The following DNAH17 variants were observed in gnomAD, a reference collection of about 807,000 sequenced individuals.
The protein encoded by DNAH17 is dynein axonemal heavy chain 17.
DNAH17 carries 376 observed loss-of-function variants against 485.6 expected under a neutral mutation model. The ratio of observed to expected loss-of-function variants is 0.77; its 90% CI spans 0.71 to 0.84. DNAH17 has a LOEUF of 0.84. Ranked by LOEUF, DNAH17 falls within the 40% of genes least tolerant of loss-of-function variation. The pLI is 0.00. For missense variants in DNAH17, 6,370 were observed against 5,839.3 expected (o/e 1.09, Z -2.96); for synonymous variants, 3,031 against 2,405.9 (o/e 1.26, Z -7.60).
intron 25 of DNAH17, among the ~76,000 whole-genome samples, chr17:78,524,093 G>A (rs969173633): frequency 2.6e-5 from 4 of 152,296 alleles, no homozygotes; most frequent in Non-Finnish European, 4.4e-5. Flanking sequence ...GGGAGGTGAT[G>A]AGGTCATCGG....
At chr17:78,446,173 C>CAAAAAAAAAAA (rs1157464118) in intron 69 of DNAH17, among the ~76,000 whole-genome samples, 2 of 57,396 alleles carry the variant, frequency 3.5e-5, no homozygotes, top group African/African-American at 7.7e-5. Flanking sequence ...GACTCTGTCT[C>CAAAAAAAAAAA]AAAAAAAAAA....
At chr17:78,538,657 T>C (rs2091442045) in intron 18 of DNAH17, among the ~76,000 whole-genome samples, 1 of 152,192 alleles carries the variant, frequency 6.6e-6, no homozygotes. Context: ...TGGAACTCTT[T>C]GAGGAGAACC....
At chr17:78,434,370 T>G in intron 74 of DNAH17, 150 bp from the exon 75 acceptor site, 2 of 635,656 alleles carry the variant, frequency 3.1e-6, no homozygotes, top group Non-Finnish European at 5.1e-6. Flanking sequence ...TGCAGGTCTC[T>G]ATCAGACCCG....
intron 79 of DNAH17, 25 bp from the exon 80 acceptor site, chr17:78,425,596 G>T: frequency 6.3e-7 from 1 of 1,578,862 alleles, no homozygotes; most frequent in African/African-American, 1.3e-5. Flanking sequence ...GAGCCGCTAG[G>T]AGGAGAGGAC....
intron 2 of DNAH17, among the ~76,000 whole-genome samples, chr17:78,573,559 A>G (rs1438882062): frequency 6.7e-6 from 1 of 150,164 alleles, no homozygotes; most frequent in Non-Finnish European, 1.5e-5. Context: ...AGATCACACC[A>G]TTGCCCTCCA....
intron 54 of DNAH17, among the ~76,000 whole-genome samples, chr17:78,470,234 A>T (rs191837646): frequency 0.012 from 1,762 of 150,892 alleles, 35 homozygotes; most frequent in African/African-American, 0.041. Context: ...TGCTCAGCTA[A>T]TTTTTGTATT....
At chr17:78,428,474 T>G (rs1242107694) in intron 77 of DNAH17, 51 bp downstream of exon 77, 1 of 1,549,854 alleles carries the variant, frequency 6.5e-7, no homozygotes, top group African/African-American at 1.4e-5. Flanking sequence ...CCCTCCTCAG[T>G]TCTAGATCCT....
Position 78,572,679 on chromosome 17 carries a change from G to A in DNAH17, c.539+22C>T, listed in dbSNP as rs369078987. The A allele has an allele frequency of 9.3e-5, 147 of 1,575,954 alleles. 1 individual carries two copies. The Admixed American group carries it at 9.5e-4, about 10-fold the overall frequency. On this transcript the variant is annotated intron_variant, in intron 3 of 80. Transcript: ENST00000389840. ...GCCTCTTCCCCACCCAGCGGCAGCC[G>A]GAAGCAGCTGGGCCCACACACCTCT...
In DNAH17 at chr17:78,449,674, C is replaced by G. The variant is rs74343961; in HGVS notation, c.11041-90G>C. The G allele has an allele frequency of 3.9e-3, 5,180 of 1,325,958 alleles. 80 individuals are homozygous for G. Among genetic ancestry groups the G allele is most frequent in the East Asian group, 0.038 (1,499 of 39,528 alleles). The allele number at this position is 1,325,958 out of a possible 1,614,324, so 82.1% of individuals were successfully genotyped here. A position where few individuals can be genotyped will look rare whatever the true frequency, so the allele number is the denominator to read the frequency against. On this transcript the variant is annotated intron_variant, in intron 68 of 80. Transcript: ENST00000389840. ...ACCACTCCCTGCCACCTGTGGTGGC[C>G]TCCAGTTTGTTTTGTTTCTTTGAGA...
chr17:78,495,741 T>C lies in DNAH17; in HGVS notation c.5903+134A>G, dbSNP rs1568152758. ...AAGTGAGTTACTGTGCCCGGCCATCTTGGGAGCTTTTGATGACTTCTTCCC... is the reference window on the plus strand; with the variant it reads ...AAGTGAGTTACTGTGCCCGGCCATCCTGGGAGCTTTTGATGACTTCTTCCC... On this transcript the variant is annotated intron_variant, in intron 38 of 80. Coordinates refer to ENST00000389840, the MANE Select transcript of DNAH17 (RefSeq NM_173628.4). 8.1e-6 allele frequency: 9 copies of C among 1,105,460 alleles called. No individual in the cohort carries two copies. The East Asian group carries it at 2.4e-4, about 29-fold the overall frequency. 68.5% of individuals were successfully genotyped at this position (1,105,460 alleles called of 1,614,324 possible).
chr17:78,494,789 T>G lies in DNAH17; in HGVS notation c.6074A>C (p.Lys2025Thr). 3.7e-6 allele frequency: 6 copies of G among 1,611,902 alleles called. No individual in the cohort carries two copies. The highest frequency in any genetic ancestry group is 5.1e-6 in the Non-Finnish European group (6 of 1,178,736). The change falls in exon 40 of 81, where the codon AAG becomes ACG. Residue 2025 changes from lysine (K) to threonine (T), a missense_variant. Lys to Thr is a moderately conservative substitution (Grantham distance 78). Coordinates refer to ENST00000389840, the MANE Select transcript of DNAH17 (RefSeq NM_173628.4). ...GGAGCCGGCCACCACCAGCACAGACTTGATGGCTCTCAGGCCCCAGTCGTA... is the reference window on the plus strand; with the variant it reads ...GGAGCCGGCCACCACCAGCACAGACGTGATGGCTCTCAGGCCCCAGTCGTA... ...DHYDWGLRAI[K>T]SVLVVAGSLK...
intron 20 of DNAH17, among the ~76,000 whole-genome samples, chr17:78,531,496 G>A (rs193120118): frequency 2.0e-5 from 3 of 151,970 alleles, no homozygotes; most frequent in East Asian, 1.9e-4. Flanking sequence ...CTGCCACCAC[G>A]CCCAGCTAAT....
rs1463868359 is a variant in DNAH17 at position 78,486,513 on chromosome 17, G to T, written c.6819-7C>A. Reference sequence around the variant, plus strand: ...GATCCAGCTGCTCACCACCCTGGGGGTGACAGGAGGCGCCGATGACACAGC... The same window carrying T: ...GATCCAGCTGCTCACCACCCTGGGGTTGACAGGAGGCGCCGATGACACAGC... On this transcript the variant is annotated splice_polypyrimidine_tract_variant and splice_region_variant and intron_variant, in intron 44 of 80. Transcript: ENST00000389840. 3 of 1,594,216 alleles carry T rather than the reference G, an allele frequency of 1.9e-6. No homozygotes were observed. The South Asian group carries it at 3.4e-5, about 18-fold the overall frequency.
intron 48 of DNAH17, among the ~76,000 whole-genome samples, chr17:78,481,672 A>G (rs12947822): frequency 0.53 from 80,573 of 151,964 alleles, 21,480 homozygotes; most frequent in Admixed American, 0.61. Flanking sequence ...TGCAATAAAT[A>G]TTCACCATCC....
At position 78,510,597 on chromosome 17, in the gene DNAH17, C is replaced by T. The variant is rs968121540; in HGVS notation, c.4114-91G>A. ...ATGATCCTTCATGGAGAGCCATTGC[C>T]GGGGCACGATCCCGGGCTGCTGGAG... is the stretch of plus-strand genomic sequence containing the variant. On this transcript the variant is annotated intron_variant, in intron 26 of 80. Transcript: ENST00000389840. 129 of 1,548,994 alleles carry T rather than the reference C, an allele frequency of 8.3e-5. No homozygotes were observed. The East Asian group carries it at 1.9e-3, about 23-fold the overall frequency.
intron 68 of DNAH17, chr17:78,449,997 T>G: frequency 1.9e-6 from 1 of 532,544 alleles, no homozygotes; most frequent in Non-Finnish European, 3.4e-6. Context: ...TTTGATTGGG[T>G]TGTGAGTGCC....
Position 78,485,592 on chromosome 17 carries a change from C to T in DNAH17, c.7441G>A (p.Ala2481Thr). 8.1e-6 allele frequency: 13 copies of T among 1,613,746 alleles called. No individual in the cohort carries two copies. The highest frequency in any genetic ancestry group is 1.1e-5 in the Non-Finnish European group (13 of 1,179,802). The change falls in exon 47 of 81, where the codon GCT becomes ACT. Residue 2481 changes from alanine (A) to threonine (T), a missense_variant. Coordinates refer to ENST00000389840, the MANE Select transcript of DNAH17 (RefSeq NM_173628.4). ...GTCGTGTAGAAGTTGAAGGGCACAG[C>T]CTGCACCAGGTAGTTGTCCGTGTTC... ...SLNTDNYLVQ[A>T]VPFNFYTTSA...
chr17:78,560,476 T>C (rs62075927), intron 13 of DNAH17, among the ~76,000 whole-genome samples: 2 of 140,616 alleles, frequency 1.4e-5, no homozygotes, highest in African/African-American at 2.5e-5. Context: ...GGCAAAGACT[T>C]TTTCCCCCCC....
Position 78,553,848 on chromosome 17 carries a change from A to C in DNAH17, c.2179-1043T>G, listed in dbSNP as rs192556446. 3.5e-3 allele frequency among the ~76,000 whole-genome samples: 534 copies of C among 152,366 alleles called. 5 individuals carry two copies. The highest frequency in any genetic ancestry group is 0.012 in the African/African-American group (496 of 41,580). ...TTTAATACATAAATCCTCAGTATAT[A>C]ATCACAAAGGTTTGTACTTGATTTC... On this transcript the variant is annotated intron_variant, in intron 14 of 80. Transcript: ENST00000389840.
Sources: allele counts gnomAD v4.1 joint callset (sites outside exome capture counted in the v4.1 genomes callset), GRCh38; gene constraint gnomAD v4.1.1; transcripts MANE v1.5; gene names NCBI Gene and HGNC (gene_info 2026-07-23, HGNC 2026-07-21).